The following PATJ variants were observed in gnomAD, a reference collection of about 807,000 sequenced individuals.
PATJ encodes inaD-like protein.
Under a neutral mutation model 224.9 loss-of-function variants are expected in PATJ, and 190 were observed. The ratio of observed to expected loss-of-function variants is 0.84; its 90% CI spans 0.75 to 0.95. The LOEUF is 0.95. Ranked by LOEUF, PATJ falls within the 40% of genes least tolerant of loss-of-function variation. The pLI is 0.00. For synonymous variants in PATJ, 769 were observed against 820.3 expected, an observed-to-expected ratio of 0.94 and a Z score of 1.07; for missense variants, 2,121 against 2,270.3, an observed-to-expected ratio of 0.93 and a Z score of 1.34.
In PATJ at chr1:62,153,355, C is replaced by G; in HGVS notation, c.5379-3C>G. 1 of 1,231,206 alleles carries G rather than the reference C, an allele frequency of 8.1e-7. No individual in the cohort carries two copies. The highest frequency in any genetic ancestry group is 3.1e-4 in the Middle Eastern group (1 of 3,204). The allele number at this position is 1,231,206 out of a possible 1,614,324, so 76.3% of individuals were successfully genotyped here. ...AATTAAACAGCATGCATTGTGTTTTCAGAACACCTCCACCTAAGATTATTA... is the reference window on the plus strand; with the variant it reads ...AATTAAACAGCATGCATTGTGTTTTGAGAACACCTCCACCTAAGATTATTA... On this transcript the variant is annotated splice_polypyrimidine_tract_variant and splice_region_variant and intron_variant, in intron 42 of 43. Coordinates refer to ENST00000642238, the MANE Select transcript of PATJ (RefSeq NM_001350145.3).
intron 9 of PATJ, 32 bp downstream of exon 9, chr1:61,791,479 A>G: frequency 7.5e-7 from 1 of 1,332,162 alleles, no homozygotes. Flanking sequence ...TATATTTGGA[A>G]ATTGTAAAGG....
intron 1 of PATJ, among the ~76,000 whole-genome samples, chr1:61,753,865 AT>A (rs1365109505): frequency 9.5e-5 from 14 of 147,736 alleles, no homozygotes; most frequent in African/African-American, 2.7e-4. Flanking sequence ...TTAATAAAAA[AT>A]ATATAATAAA....
chr1:61,984,988 G>T (rs1644666401), intron 27 of PATJ, among the ~76,000 whole-genome samples: 1 of 151,996 alleles, frequency 6.6e-6, no homozygotes, highest in Admixed American at 6.5e-5. Context: ...TTATAGTAGG[G>T]TCACAAAAAA....
chr1:61,933,496 G>A (rs1014220165), intron 27 of PATJ, among the ~76,000 whole-genome samples: 19 of 149,738 alleles, frequency 1.3e-4, no homozygotes, highest in African/African-American at 4.7e-4. Context: ...AGCCGAGATC[G>A]TGCCACTGCA....
In PATJ at chr1:61,823,015, C is replaced by T; in HGVS notation, c.1754C>T (p.Ser585Leu). 1.9e-6 allele frequency: 3 copies of T among 1,614,102 alleles called. No individual in the cohort carries two copies. Among genetic ancestry groups the T allele is most frequent in the South Asian group, 2.2e-5 (2 of 91,078 alleles). ...DSFDGHHYIS[S>L]IVSGGPVDTL... ...TTTGATGGGCACCATTATATTTCTT[C>T]AATTGTTTCTGGTGGTCCTGTTGAT... The change falls in exon 15 of 44, where the codon TCA becomes TTA. Residue 585 changes from serine to leucine, a missense_variant. By Grantham distance (145) the Ser-to-Leu change is moderately radical (BLOSUM62 -2). Coordinates refer to ENST00000642238, the MANE Select transcript of PATJ (RefSeq NM_001350145.3).
At chr1:61,804,765 G>A (rs1375982198) in intron 12 of PATJ, among the ~76,000 whole-genome samples, 1 of 152,128 alleles carries the variant, frequency 6.6e-6, no homozygotes, top group Admixed American at 6.6e-5. Context: ...CTTAAAATCT[G>A]TTTTGGCACT....
chr1:62,129,414 C>T (rs1666048155), intron 41 of PATJ, among the ~76,000 whole-genome samples: 1 of 152,172 alleles, frequency 6.6e-6, no homozygotes, highest in Non-Finnish European at 1.5e-5. Flanking sequence ...CCAAGGCAGA[C>T]AATTGTTTAT....
Position 61,856,249 on chromosome 1 carries a change from G to A in PATJ, c.2322+10G>A. ...CTGTAAGCCTTTGGTGGTAAGTGTT[G>A]TATTTTGTTAATATAGGAAGTGATA... is the stretch of plus-strand genomic sequence containing the variant. On this transcript the variant is annotated intron_variant, in intron 18 of 43. Transcript: ENST00000642238. The A allele has an allele frequency of 6.2e-7, 1 of 1,606,822 alleles. No individual in the cohort carries two copies. Among genetic ancestry groups the A allele is most frequent in the Non-Finnish European group, 8.5e-7 (1 of 1,173,404 alleles).
intron 28 of PATJ, chr1:61,991,836 G>A (rs1645079331): frequency 1.6e-6 from 1 of 631,018 alleles, no homozygotes; most frequent in Admixed American, 6.3e-5. Flanking sequence ...TCAGAGATGA[G>A]ACAAAAGTGA....
rs371809382 is a variant in PATJ at position 62,148,283 on chromosome 1, G to C, written c.5272-1G>C. On this transcript the variant is annotated splice_acceptor_variant, in intron 41 of 43. Transcript: ENST00000642238. LOFTEE classifies it high-confidence loss of function. ...ATACCTTTTTTTCACTTTTTCCCCA[G>C]GTTGTAGCAGATACCAATATAAGCG... The C allele has an allele frequency of 1.2e-6, 2 of 1,609,684 alleles. No individual in the cohort carries two copies. The highest frequency in any genetic ancestry group is 2.7e-5 in the African/African-American group (2 of 74,734).
At chr1:61,911,936 T>G (rs1672716590) in intron 25 of PATJ, among the ~76,000 whole-genome samples, 1 of 149,494 alleles carries the variant, frequency 6.7e-6, no homozygotes, top group Admixed American at 6.7e-5. Context: ...ATTACTGCTG[T>G]TTTTTTACAT....
At chr1:61,863,273 A>C (rs2148950288) in intron 19 of PATJ, among the ~76,000 whole-genome samples, 1 of 152,054 alleles carries the variant, frequency 6.6e-6, no homozygotes, top group South Asian at 2.1e-4. Flanking sequence ...TGTACTCAAG[A>C]GATCCTCCTG....
intron 8 of PATJ, 122 bp downstream of exon 8, chr1:61,788,094 A>AT: frequency 2.0e-6 from 1 of 511,110 alleles, no homozygotes; most frequent in Non-Finnish European, 3.0e-6. Flanking sequence ...CTAGTGAAAC[A>AT]GGAAAAAAAA....
intron 1 of PATJ, among the ~76,000 whole-genome samples, chr1:61,747,438 G>T (rs1645080773): frequency 6.6e-6 from 1 of 152,136 alleles, no homozygotes; most frequent in Non-Finnish European, 1.5e-5. Flanking sequence ...ATTTAATTCT[G>T]GTCCTCCAGA....
intron 3 of PATJ, among the ~76,000 whole-genome samples, chr1:61,765,526 A>G (rs1646225457): frequency 6.6e-6 from 1 of 151,954 alleles, no homozygotes; most frequent in African/African-American, 2.4e-5. Flanking sequence ...TTGGAATTAC[A>G]AGTGTGTACC....
intron 31 of PATJ, among the ~76,000 whole-genome samples, chr1:62,060,219 TGTC>T (rs1374921864): frequency 1.3e-5 from 2 of 152,220 alleles, no homozygotes; most frequent in African/African-American, 4.8e-5. Flanking sequence ...GCGTTAATAC[TGTC>T]GTCATCTCCA....
intron 20 of PATJ, among the ~76,000 whole-genome samples, chr1:61,866,398 A>T (rs930644807): frequency 2.6e-5 from 4 of 152,078 alleles, no homozygotes; most frequent in Non-Finnish European, 5.9e-5. Flanking sequence ...GAGATGTTAA[A>T]TTTTTTTTGC....
At chr1:61,753,083 C>T (rs553429712) in intron 1 of PATJ, among the ~76,000 whole-genome samples, 2 of 152,272 alleles carry the variant, frequency 1.3e-5, no homozygotes, top group East Asian at 1.9e-4. Context: ...TAATTAGACA[C>T]ATCCTGAGCT....
intron 32 of PATJ, among the ~76,000 whole-genome samples, chr1:62,083,744 A>G (rs887744176): frequency 6.6e-6 from 1 of 152,160 alleles, no homozygotes; most frequent in Non-Finnish European, 1.5e-5. Context: ...GGTATTTCAT[A>G]CTTTATTGAT....
Sources: gnomAD v4.1 joint callset for allele counts (sites outside exome capture counted in the v4.1 genomes callset) on GRCh38, gnomAD v4.1.1 for gene constraint, MANE v1.5 for transcripts, NCBI Gene and HGNC (gene_info 2026-07-23, HGNC 2026-07-21) for gene names.